Variants in PRPSAP2 observed in about 807,000 individuals in gnomAD.
PRPSAP2 encodes phosphoribosyl pyrophosphate synthase-associated protein 2.
Under a neutral mutation model 40.6 loss-of-function variants are expected in PRPSAP2, and 24 were observed. The ratio of observed to expected loss-of-function variants is 0.59; its 90% confidence interval spans 0.43 to 0.83. PRPSAP2 has a LOEUF of 0.83. PRPSAP2 is among the 40% of genes least tolerant of loss of function. The pLI is 0.00. For missense variants in PRPSAP2, 292 were observed against 465.6 expected (o/e 0.63, Z 3.43); for synonymous variants, 149 against 164.7 (o/e 0.90, Z 0.73).
chr17:18,873,142 A>C, intron 5 of PRPSAP2, among the ~76,000 whole-genome samples: 1 of 146,612 alleles, frequency 6.8e-6, no homozygotes, highest in African/African-American at 2.5e-5. Context: ...GTGTCCAGCC[A>C]CTCAGTGTTC....
intron 1 of PRPSAP2, chr17:18,859,491 T>C (rs2036841357): frequency 6.6e-6 from 1 of 152,254 alleles, no homozygotes; most frequent in Non-Finnish European, 1.5e-5. Flanking sequence ...TTTCTTCATC[T>C]GGAAACCTAG....
At chr17:18,925,052 G>A (rs918034895) in intron 10 of PRPSAP2, among the ~76,000 whole-genome samples, 15 of 150,706 alleles carry the variant, frequency 1.0e-4, no homozygotes, top group African/African-American at 2.9e-4. Context: ...TCTGGGAGGC[G>A]GAGGTTGCAG....
At chr17:18,864,146 G>C (rs904114003) in intron 1 of PRPSAP2, among the ~76,000 whole-genome samples, 1 of 151,964 alleles carries the variant, frequency 6.6e-6, no homozygotes, top group Non-Finnish European at 1.5e-5. Flanking sequence ...GAGCCACTGT[G>C]CCTGGCCGTA....
chr17:18,919,406 G>T (rs1234809466), intron 9 of PRPSAP2, among the ~76,000 whole-genome samples: 1 of 152,090 alleles, frequency 6.6e-6, no homozygotes, highest in Non-Finnish European at 1.5e-5. Flanking sequence ...TACTCAGGAG[G>T]CTGAGGCAGG....
At chr17:18,870,669 G>T (rs1412553407) in intron 4 of PRPSAP2, among the ~76,000 whole-genome samples, 2 of 151,878 alleles carry the variant, frequency 1.3e-5, no homozygotes, top group East Asian at 3.9e-4. Context: ...ATTAGCCAGG[G>T]TTGGTGGCAC....
At chr17:18,885,178 A>G (rs964468815) in intron 7 of PRPSAP2, among the ~76,000 whole-genome samples, 1 of 152,090 alleles carries the variant, frequency 6.6e-6, no homozygotes, top group African/African-American at 2.4e-5. Flanking sequence ...AGGAGGTTGG[A>G]TCAGTTGAGT....
At position 18,888,863 on chromosome 17, in the gene PRPSAP2, CTTG is replaced by C. The variant is rs758035766; in HGVS notation, c.529-954_529-952del. On this transcript the variant is annotated intron_variant, in intron 7 of 11. Transcript: ENST00000268835. ...CGCCCCTCACCTCAACTTGTTCTTT[CTTG>C]TTGTATATAATTTCCCATTTTAACC... Among the ~76,000 whole-genome samples the C allele has an allele frequency of 3.1e-4, 47 of 152,232 alleles. 6 individuals carry two copies. The highest frequency in any genetic ancestry group is 1.0e-3 in the South Asian group (5 of 4,832).
At chr17:18,880,055 C>T (rs892319679) in intron 6 of PRPSAP2, among the ~76,000 whole-genome samples, 6 of 152,006 alleles carry the variant, frequency 3.9e-5, no homozygotes, top group Non-Finnish European at 7.4e-5. Flanking sequence ...AAGATCATGC[C>T]GTTGCACTCC....
chr17:18,923,889 G>T, intron 9 of PRPSAP2, 25 bp from the exon 10 acceptor site: 1 of 1,569,528 alleles, frequency 6.4e-7, no homozygotes, highest in Non-Finnish European at 8.7e-7. Flanking sequence ...TAAAAATTTT[G>T]GTGTGTGTGT....
At chr17:18,880,810 T>C (rs2038674505) in intron 6 of PRPSAP2, among the ~76,000 whole-genome samples, 1 of 152,266 alleles carries the variant, frequency 6.6e-6, no homozygotes, top group South Asian at 2.1e-4. Flanking sequence ...ATTACTGTTA[T>C]CTTTGCTATA....
intron 5 of PRPSAP2, among the ~76,000 whole-genome samples, chr17:18,876,923 A>T (rs2038343288): frequency 6.6e-6 from 1 of 152,170 alleles, no homozygotes; most frequent in African/African-American, 2.4e-5. Context: ...GGAGGGGCAG[A>T]TCCTCAAGTT....
At chr17:18,898,773 G>A (rs941610101) in intron 8 of PRPSAP2, among the ~76,000 whole-genome samples, 5 of 152,074 alleles carry the variant, frequency 3.3e-5, no homozygotes, top group Non-Finnish European at 7.4e-5. Flanking sequence ...GAAGCTGTGG[G>A]TTTATGTCTC....
chr17:18,884,970 G>A (rs1384558414), intron 7 of PRPSAP2, among the ~76,000 whole-genome samples: 4 of 152,118 alleles, frequency 2.6e-5, no homozygotes, highest in African/African-American at 7.2e-5. Context: ...CCTAAAGAAC[G>A]AAGGCTGGGG....
chr17:18,911,315 G>A lies in PRPSAP2; in HGVS notation c.733+64G>A, dbSNP rs1223344521. On this transcript the variant is annotated intron_variant, in intron 9 of 11. Coordinates refer to ENST00000268835, the MANE Select transcript of PRPSAP2 (RefSeq NM_002767.4). The surrounding 1 kb of genome is among the most constrained non-coding windows in gnomAD (Gnocchi z 4.5). ...TTTAAGGCTGACTACACTGTTGTCT[G>A]TGTGGTTTTTTTCCTCATTCTTCGT... 6 of 1,415,254 alleles carry A rather than the reference G, an allele frequency of 4.2e-6. No homozygotes were observed. The highest frequency in any genetic ancestry group is 5.6e-6 in the Non-Finnish European group (6 of 1,076,104). 87.7% of individuals were successfully genotyped at this position (1,415,254 alleles called of 1,614,324 possible).
chr17:18,925,950 A>G (rs34817137), intron 10 of PRPSAP2, among the ~76,000 whole-genome samples: 12,516 of 152,096 alleles, frequency 0.082, 591 homozygotes, highest in Middle Eastern at 0.14. Context: ...CTAAAAATAC[A>G]AAAAATTAGC....
intron 8 of PRPSAP2, among the ~76,000 whole-genome samples, chr17:18,902,842 C>T (rs1190915382): frequency 1.5e-5 from 2 of 134,914 alleles, no homozygotes; most frequent in African/African-American, 5.7e-5. Context: ...GTACTCCAGC[C>T]TGGGTGACAA....
chr17:18,928,423 T>G, intron 10 of PRPSAP2: 1 of 256,828 alleles, frequency 3.9e-6, no homozygotes. Flanking sequence ...TTACCCAGAG[T>G]CAAAAACATC....
intron 8 of PRPSAP2, among the ~76,000 whole-genome samples, chr17:18,903,406 G>A (rs1397464760): frequency 2.7e-5 from 4 of 148,466 alleles, no homozygotes; most frequent in Non-Finnish European, 5.9e-5. Flanking sequence ...AAATAACACA[G>A]TCAAGGCTTA....
chr17:18,924,503 T>G (rs2041863650), intron 10 of PRPSAP2, among the ~76,000 whole-genome samples: 1 of 152,194 alleles, frequency 6.6e-6, no homozygotes, highest in Non-Finnish European at 1.5e-5. Context: ...GCGCGTTGGC[T>G]CATGCCTGTA....
Sources: gnomAD v4.1 joint callset for allele counts (sites outside exome capture counted in the v4.1 genomes callset) on GRCh38, gnomAD v4.1.1 for gene constraint, Gnocchi (gnomAD v3.1) non-coding constraint, MANE v1.5 for transcripts, NCBI Gene and HGNC (gene_info 2026-07-23, HGNC 2026-07-21) for gene names.